KHDC1: variants seen among roughly 807,000 people sequenced by gnomAD.
The protein encoded by KHDC1 is KH homology domain-containing protein 1.
KHDC1 carries 21 observed loss-of-function variants against 24.7 expected under a neutral mutation model. The observed-to-expected ratio is 0.85, with a 90% CI of 0.60 to 1.23. KHDC1 has a LOEUF of 1.23. Among genes scored for constraint, KHDC1 ranks in the 50% most tolerant of loss-of-function variants. The pLI, the probability that KHDC1 is intolerant of heterozygous loss-of-function variation, is 0.00. For missense variants in KHDC1, 274 were observed against 298.5 expected (o/e 0.92, Z 0.61); for synonymous variants, 98 against 111.7 (o/e 0.88, Z 0.77).
At chr6:73,263,124 TG>T in intron 2 of KHDC1, 2 of 996,244 alleles carry the variant, frequency 2.0e-6, no homozygotes, top group Non-Finnish European at 2.4e-6. Context: ...CGGTACCTCC[TG>T]GGCCGCGCAC....
At chr6:73,278,676 G>GT (rs1767347437) in intron 2 of KHDC1, among the ~76,000 whole-genome samples, 1 of 152,030 alleles carries the variant, frequency 6.6e-6, no homozygotes, top group Non-Finnish European at 1.5e-5. Context: ...TTTTATTACA[G>GT]TATATTGTTG....
At chr6:73,305,723 G>A (rs1447772138) in intron 1 of KHDC1, among the ~76,000 whole-genome samples, 5 of 152,092 alleles carry the variant, frequency 3.3e-5, no homozygotes, top group African/African-American at 4.8e-5. Flanking sequence ...GCAGTGGCAC[G>A]ATCTTGGCTC....
chr6:73,291,242 GTAAGAA>G (rs1183173730), intron 2 of KHDC1: 10 of 403,802 alleles, frequency 2.5e-5, no homozygotes, highest in East Asian at 1.4e-4. Context: ...CACTGAATGG[GTAAGAA>G]TAACCACTGA....
intron 2 of KHDC1, among the ~76,000 whole-genome samples, chr6:73,281,866 T>G (rs1370869755): frequency 2.0e-5 from 3 of 152,042 alleles, no homozygotes; most frequent in African/African-American, 7.3e-5. Flanking sequence ...ATTCTCAGAC[T>G]TTTTTTGTTT....
intron 2 of KHDC1, among the ~76,000 whole-genome samples, chr6:73,244,713 T>G (rs1293933540): frequency 2.7e-5 from 4 of 145,830 alleles, no homozygotes; most frequent in Non-Finnish European, 6.0e-5. Flanking sequence ...GGGGGGGGGC[T>G]CCGTAAGCCA....
intron 2 of KHDC1, among the ~76,000 whole-genome samples, chr6:73,245,098 G>T (rs1400643706): frequency 6.6e-6 from 1 of 152,078 alleles, no homozygotes; most frequent in Non-Finnish European, 1.5e-5. Context: ...GGACAATGAG[G>T]TACTTTGATA....
intron 2 of KHDC1, among the ~76,000 whole-genome samples, chr6:73,258,165 G>C (rs1766914164): frequency 1.3e-5 from 2 of 152,232 alleles, no homozygotes; most frequent in South Asian, 2.1e-4. Context: ...TGAGGCAGGA[G>C]AATCACTTGA....
chr6:73,274,663 T>A (rs986459486), intron 2 of KHDC1: 8 of 152,388 alleles, frequency 5.2e-5, no homozygotes, highest in Admixed American at 5.2e-4. Flanking sequence ...GCCATGATTG[T>A]AAGTTTCCTG....
chr6:73,293,595 C>T (rs1038789702), intron 1 of KHDC1, among the ~76,000 whole-genome samples: 2 of 152,060 alleles, frequency 1.3e-5, no homozygotes, highest in African/African-American at 4.8e-5. Flanking sequence ...GCCTGGCCAA[C>T]ATGGCAAAAC....
At chr6:73,276,153 T>C (rs150389488) in intron 2 of KHDC1, 6,400 of 151,556 alleles carry the variant, frequency 0.042, 148 homozygotes, top group Middle Eastern at 0.075. Flanking sequence ...ATCGTGCCAC[T>C]GCTCTCCAGC....
At chr6:73,266,611 A>G (rs1353558273) in intron 2 of KHDC1, among the ~76,000 whole-genome samples, 1 of 152,226 alleles carries the variant, frequency 6.6e-6, no homozygotes, top group African/African-American at 2.4e-5. Context: ...ACCTTATACC[A>G]GATACAGAAC....
chr6:73,285,884 A>G (rs950329869), intron 2 of KHDC1, among the ~76,000 whole-genome samples: 1 of 152,100 alleles, frequency 6.6e-6, no homozygotes, highest in African/African-American at 2.4e-5. Flanking sequence ...TAGCCACCAG[A>G]TGGAGCTCAA....
intron 2 of KHDC1, among the ~76,000 whole-genome samples, chr6:73,286,109 A>C (rs1367029504): frequency 6.6e-6 from 1 of 152,238 alleles, no homozygotes; most frequent in Admixed American, 6.5e-5. Flanking sequence ...CTGTGTAGCC[A>C]GTGAGAACTC....
rs938453285 is a variant in KHDC1 at position 73,304,879 on chromosome 6, A to C, written c.163+4673T>G. ...ACTAAAACCCAAAGTATCAAGATAT[A>C]TCCTGGTAATATTTTTGCAATTCTG... On this transcript the variant is annotated intron_variant, in intron 1 of 4. Transcript: ENST00000370384. 2.0e-5 allele frequency among the ~76,000 whole-genome samples: 3 copies of C among 152,106 alleles called. 1 individual carries two copies. The highest frequency in any genetic ancestry group is 4.4e-5 in the Non-Finnish European group (3 of 68,024).
At chr6:73,246,609 C>A (rs1344385581) in intron 2 of KHDC1, among the ~76,000 whole-genome samples, 1 of 152,150 alleles carries the variant, frequency 6.6e-6, no homozygotes, top group Admixed American at 6.6e-5. Context: ...AAGACATTTT[C>A]TTCTTTGTAA....
At chr6:73,292,108 C>T (rs1325355290) in intron 1 of KHDC1, 6 of 1,601,614 alleles carry the variant, frequency 3.7e-6, no homozygotes, top group Non-Finnish European at 5.1e-6. Context: ...GTGATGCCAA[C>T]ATGGTAGACT....
chr6:73,292,590 A>G, intron 1 of KHDC1: 1 of 764,298 alleles, frequency 1.3e-6, no homozygotes, highest in Non-Finnish European at 2.4e-6. Flanking sequence ...TCTCTTCAGC[A>G]GAGAGCATGG....
chr6:73,297,066 A>G (rs1767771750), intron 1 of KHDC1, among the ~76,000 whole-genome samples: 1 of 151,966 alleles, frequency 6.6e-6, no homozygotes, highest in Admixed American at 6.6e-5. Flanking sequence ...ATGCCTGGCT[A>G]AATTTTGTAC....
intron 2 of KHDC1, among the ~76,000 whole-genome samples, chr6:73,260,090 C>T (rs143741588): frequency 4.2e-4 from 64 of 152,196 alleles, no homozygotes; most frequent in African/African-American, 1.5e-3. Flanking sequence ...CAGCATAGCC[C>T]CCTCCTTTCC....
Sources: allele counts gnomAD v4.1 joint callset (sites outside exome capture counted in the v4.1 genomes callset), GRCh38; gene constraint gnomAD v4.1.1; transcripts MANE v1.5; gene names NCBI Gene and HGNC (gene_info 2026-07-23, HGNC 2026-07-21).